The following KCNK9 variants were observed in gnomAD, a reference collection of about 807,000 sequenced individuals.
KCNK9 encodes potassium channel subfamily K member 9.
A neutral mutation model predicts 10.8 loss-of-function variants in KCNK9; 1 was observed. The ratio of observed to expected loss-of-function variants is 0.09; its 90% CI spans 0.03 to 0.44. The LOEUF is 0.44. Ranked by LOEUF, KCNK9 falls within the 20% of genes least tolerant of loss-of-function variation. KCNK9 has a pLI of 0.97. For missense variants in KCNK9, 303 were observed against 515.0 expected (o/e 0.59, Z 3.98); for synonymous variants, 231 against 222.7 (o/e 1.04, Z -0.33).
At chr8:139,662,566 C>T (rs1816184040) in intron 1 of KCNK9, among the ~76,000 whole-genome samples, 1 of 152,138 alleles carries the variant, frequency 6.6e-6, no homozygotes. Flanking sequence ...CCAGGCTTGG[C>T]CCCTTCTGCT....
chr8:139,699,197 A>G (rs1817137758), intron 1 of KCNK9, among the ~76,000 whole-genome samples: 1 of 152,218 alleles, frequency 6.6e-6, no homozygotes, highest in Non-Finnish European at 1.5e-5. Flanking sequence ...CTCAGGTCAC[A>G]GATGTTAGAT....
At chr8:139,684,279 T>A (rs1816745644) in intron 1 of KCNK9, among the ~76,000 whole-genome samples, 1 of 152,230 alleles carries the variant, frequency 6.6e-6, no homozygotes, top group African/African-American at 2.4e-5. Flanking sequence ...TTTGTGCAAT[T>A]TAGCACCATA....
At chr8:139,614,473 G>A (rs1814520489), downstream of KCNK9, among the ~76,000 whole-genome samples, 1 of 152,194 alleles carries the variant, frequency 6.6e-6, no homozygotes, top group Non-Finnish European at 1.5e-5. Context: ...CTCCCAATCA[G>A]CCATGCACAG....
chr8:139,604,860 T>C (rs1817452071), intron 2 of KCNK9, among the ~76,000 whole-genome samples: 2 of 152,132 alleles, frequency 1.3e-5, no homozygotes, highest in South Asian at 4.2e-4. Flanking sequence ...CCTGGCTTTG[T>C]GTGGCCAGGT....
Position 139,618,158 on chromosome 8 carries a change from C to CAAT in KCNK9, c.*97_*99dup, listed in dbSNP as rs1000617376. 8.3e-6 allele frequency: 12 copies of CAAT among 1,448,852 alleles called. No homozygotes were observed. The highest frequency in any genetic ancestry group is 1.2e-5 in the South Asian group (1 of 82,662). The allele number at this position is 1,448,852 out of a possible 1,614,324, so 89.7% of individuals were successfully genotyped here. ...GAAGGAGAGAAAGTAATAATGATGA[C>CAAT]AATAATAATAATAAATAAATAAGAA... On this transcript the variant is annotated 3_prime_UTR_variant, in exon 2 of 2. Transcript: ENST00000520439. The surrounding 1 kb of genome is among the most constrained non-coding windows in gnomAD (Gnocchi z 7.9).
chr8:139,659,571 G>A (rs1361407083), intron 1 of KCNK9, among the ~76,000 whole-genome samples: 6 of 152,096 alleles, frequency 3.9e-5, no homozygotes, highest in Non-Finnish European at 1.5e-5. Context: ...GAGTGCAATG[G>A]CACAATCTCG....
intron 1 of KCNK9, among the ~76,000 whole-genome samples, chr8:139,631,009 G>T (rs1005732987): frequency 3.3e-5 from 5 of 152,236 alleles, no homozygotes; most frequent in African/African-American, 1.2e-4. Flanking sequence ...TGCAAGAGGG[G>T]CTCTGCGCAG....
At chr8:139,622,908 C>A (rs571867534) in intron 1 of KCNK9, among the ~76,000 whole-genome samples, 1 of 152,132 alleles carries the variant, frequency 6.6e-6, no homozygotes, top group Non-Finnish European at 1.5e-5. Context: ...TGTAGAATAA[C>A]GGCACATGTG....
chr8:139,641,959 A>G (rs1432257902), intron 1 of KCNK9, among the ~76,000 whole-genome samples: 1 of 152,186 alleles, frequency 6.6e-6, no homozygotes, highest in East Asian at 1.9e-4. Flanking sequence ...GCTCTGCCAT[A>G]CAGATGTCCA....
intron 1 of KCNK9, among the ~76,000 whole-genome samples, chr8:139,644,988 G>T (rs965037087): frequency 2.0e-5 from 3 of 152,216 alleles, no homozygotes; most frequent in African/African-American, 7.2e-5. Flanking sequence ...CCCCCAGGAG[G>T]TTAGCACCAG....
rs13273970 is a variant in KCNK9 at position 139,664,348 on chromosome 8, C to T, written c.283+38362G>A. Among the ~76,000 whole-genome samples, 5 of 152,280 alleles carry T rather than the reference C, an allele frequency of 3.3e-5. No homozygotes were observed. In the East Asian group the frequency reaches 9.7e-4, roughly 29 times the overall value. On this transcript the variant is annotated intron_variant, in intron 1 of 1. Transcript: ENST00000520439. ...TGAATCCTGCTGGTCCAGGGAGCTG[C>T]TCTGTCTCCCGCCCTAGCCCACCCA...
chr8:139,614,490 C>T (rs901463484), downstream of KCNK9, among the ~76,000 whole-genome samples: 16 of 152,182 alleles, frequency 1.1e-4, no homozygotes, highest in African/African-American at 2.7e-4. Flanking sequence ...ACAGTGGGAG[C>T]GCGCAGATGC....
chr8:139,702,723 G>C lies in KCNK9; in HGVS notation c.270C>G (p.Val90=), dbSNP rs148334441. 234 of 1,610,502 alleles carry C rather than the reference G, an allele frequency of 1.5e-4. No individual in the cohort carries two copies. Among genetic ancestry groups the C allele is most frequent in the Non-Finnish European group, 1.9e-4 (227 of 1,179,310 alleles). Residue 90 remains valine, a synonymous_variant, in exon 1 of 2, where the codon GTC becomes GTG. Coordinates refer to ENST00000520439, the MANE Select transcript of KCNK9 (RefSeq NM_001282534.2). The surrounding 1 kb of genome is among the most constrained non-coding windows in gnomAD (Gnocchi z 7.5). ...FAGSFYFAIT[V]ITTIGYGHAA... ...CCCAGCCCTTACCTATGGTGGTGAT[G>C]ACCGTGATCGCAAAGTAGAAGGAGC...
intron 1 of KCNK9, among the ~76,000 whole-genome samples, chr8:139,659,434 C>T: frequency 6.6e-6 from 1 of 152,166 alleles, no homozygotes; most frequent in East Asian, 1.9e-4. Context: ...TATCCTCCAG[C>T]AGCAGGTGTT....
intron 1 of KCNK9, among the ~76,000 whole-genome samples, chr8:139,628,357 C>T (rs1815043243): frequency 6.6e-6 from 1 of 152,276 alleles, no homozygotes; most frequent in Non-Finnish European, 1.5e-5. Flanking sequence ...CTGCCCTGCA[C>T]AGCGTGCCGA....
At chr8:139,687,573 T>C (rs1293393751) in intron 1 of KCNK9, among the ~76,000 whole-genome samples, 2 of 111,630 alleles carry the variant, frequency 1.8e-5, no homozygotes, top group Non-Finnish European at 3.7e-5. Context: ...CATATATTCA[T>C]ATATATGTAT....
At chr8:139,657,550 TAAAACCCCCCAGAGCC>T (rs1043036400) in intron 1 of KCNK9, among the ~76,000 whole-genome samples, 5 of 151,880 alleles carry the variant, frequency 3.3e-5, no homozygotes, top group Admixed American at 6.6e-5. Context: ...CTCCCTGAAC[TAAAACCCCCCAGAGCC>T]AAAACCCCCC....
downstream of KCNK9, among the ~76,000 whole-genome samples, chr8:139,611,045 A>G (rs558141106): frequency 2.8e-4 from 42 of 152,326 alleles, no homozygotes; most frequent in African/African-American, 9.6e-4. Context: ...CATTTCCTCC[A>G]TGAAGCCCTG....
intron 1 of KCNK9, among the ~76,000 whole-genome samples, chr8:139,694,096 G>C (rs540320065): frequency 9.5e-4 from 144 of 152,266 alleles, no homozygotes; most frequent in African/African-American, 3.2e-3. Flanking sequence ...TCTCAGTCAG[G>C]GCGGCCTCAG....
Sources: gnomAD v4.1 joint callset for allele counts (sites outside exome capture counted in the v4.1 genomes callset) on GRCh38, gnomAD v4.1.1 for gene constraint, Gnocchi (gnomAD v3.1) non-coding constraint, MANE v1.5 for transcripts, NCBI Gene and HGNC (gene_info 2026-07-23, HGNC 2026-07-21) for gene names.